The following DGKB variants were observed in gnomAD, a reference collection of about 807,000 sequenced individuals.
DGKB encodes 90 kDa diacylglycerol kinase.
In DGKB, 67 loss-of-function variants were observed where a neutral mutation model predicts 114.3. The observed-to-expected ratio is 0.59, with a 90% CI of 0.48 to 0.72. The LOEUF (loss-of-function observed/expected upper bound fraction) is 0.72. Among genes scored for constraint, DGKB ranks in the 30% least tolerant of loss-of-function variants. DGKB has a pLI of 0.00. For missense variants in DGKB, 907 were observed against 975.2 expected (o/e 0.93, Z 0.93); for synonymous variants, 398 against 323.1 (o/e 1.23, Z -2.49).
chr7:14,763,690 T>G (rs76381344), intron 2 of DGKB, among the ~76,000 whole-genome samples: 5 of 152,202 alleles, frequency 3.3e-5, no homozygotes, highest in South Asian at 4.1e-4. Flanking sequence ...ACAGTAAATA[T>G]ATTTTAAAGA....
intron 20 of DGKB, among the ~76,000 whole-genome samples, chr7:14,483,299 T>A (rs142423345): frequency 1.2e-3 from 179 of 152,290 alleles, no homozygotes; most frequent in Middle Eastern, 3.4e-3. Flanking sequence ...TTTGCCACTG[T>A]ATTTTGAAAG....
chr7:14,451,304 G>C (rs2128839438), intron 21 of DGKB, among the ~76,000 whole-genome samples: 2 of 152,074 alleles, frequency 1.3e-5, no homozygotes, highest in East Asian at 3.9e-4. Flanking sequence ...AGAGCAAAAA[G>C]GCTGGGTAAA....
chr7:14,752,477 G>A (rs1412541537), intron 4 of DGKB, among the ~76,000 whole-genome samples: 1 of 152,128 alleles, frequency 6.6e-6, no homozygotes, highest in Non-Finnish European at 1.5e-5. Context: ...AACATCTACT[G>A]ACAGGAAACA....
At chr7:14,784,719 G>T (rs1351676090) in intron 2 of DGKB, among the ~76,000 whole-genome samples, 1 of 151,990 alleles carries the variant, frequency 6.6e-6, no homozygotes, top group African/African-American at 2.4e-5. Context: ...CTATTTTTTA[G>T]TCATTGTTAG....
intron 13 of DGKB, among the ~76,000 whole-genome samples, chr7:14,647,984 A>G (rs1408740610): frequency 3.9e-5 from 6 of 152,252 alleles, no homozygotes; most frequent in South Asian, 2.1e-4. Flanking sequence ...CACCTGGCTC[A>G]GAGGGTCCTA....
intron 1 of DGKB, among the ~76,000 whole-genome samples, chr7:14,877,555 C>A (rs1853499544): frequency 6.6e-6 from 1 of 151,860 alleles, no homozygotes; most frequent in Admixed American, 6.6e-5. Context: ...AACTTTGTCT[C>A]AAAAAACAAA....
At chr7:14,260,717 T>C (rs1796648137) in intron 23 of DGKB, among the ~76,000 whole-genome samples, 1 of 152,174 alleles carries the variant, frequency 6.6e-6, no homozygotes, top group Admixed American at 6.5e-5. Flanking sequence ...TTAGCAACCC[T>C]TTTGGTTTAA....
At chr7:14,792,678 C>T (rs538835936) in intron 2 of DGKB, among the ~76,000 whole-genome samples, 10 of 152,172 alleles carry the variant, frequency 6.6e-5, no homozygotes, top group South Asian at 2.1e-4. Context: ...ATTTTGCAAA[C>T]GTAAGTTAAA....
Position 14,720,092 on chromosome 7 carries a change from A to ACACG in DGKB, c.323-1411_323-1408dup, listed in dbSNP as rs370565273. Among the ~76,000 whole-genome samples, 299 of 151,306 alleles carry ACACG rather than the reference A, an allele frequency of 2.0e-3. 1 individual carries two copies. Among genetic ancestry groups the ACACG allele is most frequent in the African/African-American group, 7.0e-3 (291 of 41,414 alleles). On this transcript the variant is annotated intron_variant, in intron 5 of 25. Transcript: ENST00000402815. ...ATTTACATCTTAACACAGCACACAC[A>ACACG]CACGCACGCACGCACACACACGCAC...
chr7:14,338,511 T>A lies in DGKB; in HGVS notation c.2122+4A>T. ...ATTTAACAACTAATTGTTAGAAAAC[T>A]GACCTTGACTTGCAAACTTCAACTC... On this transcript the variant is annotated splice_donor_region_variant and intron_variant, in intron 23 of 25. Coordinates refer to ENST00000402815, the MANE Select transcript of DGKB (RefSeq NM_001350709.2). 1 of 1,548,526 alleles carries A rather than the reference T, an allele frequency of 6.5e-7. No individual in the cohort carries two copies. Among genetic ancestry groups the A allele is most frequent in the Admixed American group, 2.0e-5 (1 of 48,886 alleles).
At chr7:14,644,992 G>T (rs1265343681) in intron 13 of DGKB, among the ~76,000 whole-genome samples, 1 of 152,122 alleles carries the variant, frequency 6.6e-6, no homozygotes, top group Admixed American at 6.5e-5. Context: ...AAACCAAGCT[G>T]CCAGTTCCAG....
At chr7:14,800,962 CAGA>C (rs1002985223) in intron 2 of DGKB, among the ~76,000 whole-genome samples, 46 of 152,192 alleles carry the variant, frequency 3.0e-4, no homozygotes, top group Admixed American at 2.5e-3. Flanking sequence ...GCATGAGTAG[CAGA>C]AGAAGGTAGC....
chr7:14,659,800 T>C (rs964165992), intron 13 of DGKB, among the ~76,000 whole-genome samples: 17 of 151,206 alleles, frequency 1.1e-4, no homozygotes, highest in Non-Finnish European at 2.2e-4. Flanking sequence ...AGGGCATCCC[T>C]GTCTTGTGCC....
intron 17 of DGKB, among the ~76,000 whole-genome samples, chr7:14,605,120 A>G (rs1016234389): frequency 6.6e-6 from 1 of 152,072 alleles, no homozygotes; most frequent in African/African-American, 2.4e-5. Context: ...TTGACGTAGC[A>G]TATTTGGTAA....
intron 6 of DGKB, among the ~76,000 whole-genome samples, chr7:14,704,845 T>C (rs890871791): frequency 1.5e-4 from 23 of 151,960 alleles, no homozygotes; most frequent in African/African-American, 5.5e-4. Context: ...ACACCAAAAG[T>C]AGATAAAACC....
chr7:14,818,897 T>C (rs558543316), intron 2 of DGKB, among the ~76,000 whole-genome samples: 2 of 152,280 alleles, frequency 1.3e-5, no homozygotes, highest in South Asian at 2.1e-4. Flanking sequence ...GCACCGAGGT[T>C]TGAAGTCTGA....
chr7:14,673,397 A>G (rs1347350112), intron 12 of DGKB, among the ~76,000 whole-genome samples: 1 of 109,858 alleles, frequency 9.1e-6, no homozygotes, highest in African/African-American at 3.2e-5. Flanking sequence ...GTGCCTGTGT[A>G]TGCTTTTTTT....
At chr7:14,163,993 C>T (rs1398363002) in intron 25 of DGKB, among the ~76,000 whole-genome samples, 2 of 149,888 alleles carry the variant, frequency 1.3e-5, no homozygotes, top group South Asian at 2.1e-4. Flanking sequence ...GAAACTCCAT[C>T]TCAAAAACAA....
At chr7:14,621,597 G>A (rs889661058) in intron 14 of DGKB, 103 bp from the exon 15 acceptor site, 5 of 673,670 alleles carry the variant, frequency 7.4e-6, no homozygotes, top group African/African-American at 5.5e-5. Context: ...TACAAACACA[G>A]GCTCAACTTT....
Sources: allele counts gnomAD v4.1 joint callset (sites outside exome capture counted in the v4.1 genomes callset), GRCh38; gene constraint gnomAD v4.1.1; transcripts MANE v1.5; gene names NCBI Gene and HGNC (gene_info 2026-07-23, HGNC 2026-07-21).